The following AK5 variants were observed in gnomAD, a reference collection of about 807,000 sequenced individuals.
The protein encoded by AK5 is adenylate kinase 5, also known as adenylate kinase isoenzyme 5.
AK5 carries 27 observed loss-of-function variants against 69.5 expected under a neutral mutation model. The ratio of observed to expected loss-of-function variants is 0.39; its 90% confidence interval spans 0.29 to 0.54. The LOEUF (loss-of-function observed/expected upper bound fraction) is 0.54. Among genes scored for constraint, AK5 ranks in the 20% least tolerant of loss-of-function variants. AK5 has a pLI of 0.71. For synonymous variants in AK5, 260 were observed against 244.4 expected, an observed-to-expected ratio of 1.06 and a Z score of -0.60; for missense variants, 531 against 700.4, an observed-to-expected ratio of 0.76 and a Z score of 2.73.
chr1:77,513,330 T>C (rs1235267941), intron 10 of AK5, among the ~76,000 whole-genome samples: 2 of 152,216 alleles, frequency 1.3e-5, no homozygotes, highest in Admixed American at 1.3e-4. Context: ...ATCACACTGC[T>C]GTGATGATGG....
At chr1:77,362,873 T>C (rs1646888957) in intron 6 of AK5, among the ~76,000 whole-genome samples, 1 of 152,186 alleles carries the variant, frequency 6.6e-6, no homozygotes. Context: ...TGCATACCCT[T>C]TGACCCAATA....
intron 5 of AK5, among the ~76,000 whole-genome samples, chr1:77,316,952 G>C (rs7511768): frequency 0.1 from 15,161 of 152,136 alleles, 955 homozygotes; most frequent in East Asian, 0.2. Flanking sequence ...TCAAGGCATG[G>C]TTGCTGCATA....
chr1:77,488,700 T>C (rs1244280427), intron 10 of AK5, among the ~76,000 whole-genome samples: 1 of 152,148 alleles, frequency 6.6e-6, no homozygotes, highest in African/African-American at 2.4e-5. Context: ...GGGGGAAACA[T>C]GCAGGCTGAG....
At chr1:77,504,695 G>T (rs369991479) in intron 10 of AK5, among the ~76,000 whole-genome samples, 1 of 152,128 alleles carries the variant, frequency 6.6e-6, no homozygotes, top group Non-Finnish European at 1.5e-5. Flanking sequence ...AAAATTGAAC[G>T]TGACCAGAAC....
At chr1:77,322,435 G>A (rs1239032064) in intron 5 of AK5, among the ~76,000 whole-genome samples, 3 of 152,036 alleles carry the variant, frequency 2.0e-5, no homozygotes, top group African/African-American at 7.3e-5. Flanking sequence ...CCTCCCTCTG[G>A]GGGTTGCTGA....
intron 6 of AK5, among the ~76,000 whole-genome samples, chr1:77,353,618 A>G (rs1236858740): frequency 6.6e-6 from 1 of 151,804 alleles, no homozygotes; most frequent in African/African-American, 2.4e-5. Flanking sequence ...TGCCTTACCC[A>G]CTCTGCGTCT....
rs1658101288 is a variant in AK5, at chr1:77,282,286, T to TG, written c.-27dup. 1 of 1,541,586 alleles carries TG rather than the reference T, an allele frequency of 6.5e-7. No homozygotes were observed. On this transcript the variant is annotated 5_prime_UTR_variant, in exon 1 of 14. Transcript: ENST00000354567. ...GCCGCAGCCCGGGAGCCTCCCCGCT[T>TG]GCGCCCCAAGGCACGCGCGGCACAG...
At chr1:77,353,136 C>T (rs1662301602) in intron 6 of AK5, among the ~76,000 whole-genome samples, 1 of 152,154 alleles carries the variant, frequency 6.6e-6, no homozygotes, top group African/African-American at 2.4e-5. Flanking sequence ...CTGATTTACA[C>T]ATTTTTAACT....
At chr1:77,558,180 T>G (rs1557673622) in intron 13 of AK5, among the ~76,000 whole-genome samples, 1 of 152,226 alleles carries the variant, frequency 6.6e-6, no homozygotes, top group African/African-American at 2.4e-5. Context: ...TGCAGGTTTT[T>G]GGGTAGATGT....
intron 10 of AK5, among the ~76,000 whole-genome samples, chr1:77,495,463 C>G (rs976555100): frequency 2.0e-5 from 3 of 152,166 alleles, no homozygotes; most frequent in Non-Finnish European, 2.9e-5. Flanking sequence ...TGACAAAGAC[C>G]TCTGTCTACC....
chr1:77,332,291 C>A (rs1330286308), intron 5 of AK5, among the ~76,000 whole-genome samples: 1 of 151,620 alleles, frequency 6.6e-6, no homozygotes, highest in Non-Finnish European at 1.5e-5. Flanking sequence ...TTAGTCTTTT[C>A]AAAAAACCAA....
At position 77,536,040 on chromosome 1, in the gene AK5, C is replaced by T. The variant is rs770347979; in HGVS notation, c.1620+2C>T. 5.0e-6 allele frequency: 8 copies of T among 1,604,540 alleles called. No homozygotes were observed. Among genetic ancestry groups the T allele is most frequent in the Admixed American group, 3.5e-5 (2 of 57,030 alleles). On this transcript the variant is annotated splice_donor_variant, in intron 13 of 13. Coordinates refer to ENST00000354567, the MANE Select transcript of AK5 (RefSeq NM_174858.3). LOFTEE classifies it low-confidence loss of function (GC_TO_GT_DONOR). The stretch of plus-strand genomic sequence containing the variant: ...GAGACAAAAACACAGCTACACAAGG[C>T]GAGTCACTTCACTTTCTCCTCTGAA...
intron 8 of AK5, among the ~76,000 whole-genome samples, chr1:77,419,412 C>G (rs1650655232): frequency 6.7e-6 from 1 of 149,680 alleles, no homozygotes; most frequent in Admixed American, 6.6e-5. Flanking sequence ...CTAGAAAGAA[C>G]AGAAAAATCT....
chr1:77,413,346 C>T (rs751903213), intron 7 of AK5, among the ~76,000 whole-genome samples: 14 of 152,164 alleles, frequency 9.2e-5, no homozygotes, highest in Admixed American at 4.6e-4. Flanking sequence ...TTCTACTTTG[C>T]GCCTCAGAGT....
Position 77,481,924 on chromosome 1 carries a change from A to C in AK5, c.1060-1393A>C, listed in dbSNP as rs188591629. On this transcript the variant is annotated intron_variant, in intron 8 of 13. Coordinates refer to ENST00000354567, the MANE Select transcript of AK5 (RefSeq NM_174858.3). The stretch of plus-strand genomic sequence containing the variant: ...AATAAAGGACTAATTAAACAACAAC[A>C]ATTATGGTACCACATATACAATAGA... Among the ~76,000 whole-genome samples, 418 of 152,296 alleles carry C rather than the reference A, an allele frequency of 2.7e-3. 3 individuals carry two copies. Among genetic ancestry groups the C allele is most frequent in the South Asian group, 0.019 (92 of 4,818 alleles).
At chr1:77,475,195 A>ATG (rs756205351) in intron 8 of AK5, among the ~76,000 whole-genome samples, 69 of 29,102 alleles carry the variant, frequency 2.4e-3, no homozygotes, top group East Asian at 0.011. Context: ...ATATATATAT[A>ATG]TGTGTGTGTG....
chr1:77,538,563 T>A (rs1659107991), intron 13 of AK5, among the ~76,000 whole-genome samples: 1 of 150,600 alleles, frequency 6.6e-6, no homozygotes, highest in African/African-American at 2.4e-5. Context: ...GGCAGAAGAA[T>A]TGCTTGAACC....
intron 6 of AK5, among the ~76,000 whole-genome samples, chr1:77,373,795 T>G (rs17100475): frequency 0.24 from 36,960 of 151,978 alleles, 4,810 homozygotes; most frequent in East Asian, 0.39. Context: ...CATCTAATTG[T>G]GAGATCATTA....
intron 5 of AK5, among the ~76,000 whole-genome samples, chr1:77,310,572 G>A (rs1207964599): frequency 1.3e-5 from 2 of 151,872 alleles, no homozygotes; most frequent in Non-Finnish European, 2.9e-5. Flanking sequence ...TAGTAGAGAC[G>A]GGGTTTCACC....
Sources: allele counts gnomAD v4.1 joint callset (sites outside exome capture counted in the v4.1 genomes callset), GRCh38; gene constraint gnomAD v4.1.1; transcripts MANE v1.5; gene names NCBI Gene and HGNC (gene_info 2026-07-23, HGNC 2026-07-21).